The following CPVL variants were observed in gnomAD, a reference collection of about 807,000 sequenced individuals.
CPVL encodes the protein carboxypeptidase vitellogenic like, also known as probable serine carboxypeptidase CPVL.
In CPVL, 51 loss-of-function variants were observed where a neutral mutation model predicts 63.7. The observed-to-expected ratio is 0.80, with a 90% confidence interval of 0.64 to 1.01. The LOEUF (loss-of-function observed/expected upper bound fraction) is 1.01. Among genes scored for constraint, CPVL ranks in the 50% least tolerant of loss-of-function variants. The probability of loss-of-function intolerance (pLI) is 0.00; values close to 1 mark genes in which losing one functional copy is unlikely to be tolerated. For missense variants in CPVL, 530 were observed against 573.1 expected, an observed-to-expected ratio of 0.92 and a Z score of 0.77; for synonymous variants, 195 against 206.0, an observed-to-expected ratio of 0.95 and a Z score of 0.46.
chr7:29,022,675 G>T lies in CPVL; in HGVS notation c.1320+7902C>A, dbSNP rs141157710. ...CCTGTGCATGTTGTCTGGGGGCCTG[G>T]GAATTGATCAGCCCTGCCTGCCACA... On this transcript the variant is annotated intron_variant, in intron 12 of 12. Transcript: ENST00000265394. Among the ~76,000 whole-genome samples the T allele has an allele frequency of 1.6e-3, 239 of 152,334 alleles. 1 individual carries two copies. Among genetic ancestry groups the T allele is most frequent in the African/African-American group, 5.3e-3 (221 of 41,580 alleles).
At chr7:29,108,427 C>CA (rs1210566568) in intron 3 of CPVL, among the ~76,000 whole-genome samples, 2 of 152,010 alleles carry the variant, frequency 1.3e-5, no homozygotes, top group Non-Finnish European at 2.9e-5. Flanking sequence ...TTCTTCAGTG[C>CA]AAAAAAATCC....
intron 11 of CPVL, among the ~76,000 whole-genome samples, chr7:29,033,783 T>G (rs182743212): frequency 6.6e-6 from 1 of 152,234 alleles, no homozygotes; most frequent in Non-Finnish European, 1.5e-5. Context: ...CTTTCCTTTC[T>G]GGTCAGCTGT....
chr7:29,128,494 T>C (rs955171105), intron 1 of CPVL, among the ~76,000 whole-genome samples: 1 of 152,096 alleles, frequency 6.6e-6, no homozygotes, highest in Non-Finnish European at 1.5e-5. Context: ...GGCAGGCAGA[T>C]CACTTGAGGT....
At chr7:29,114,953 AG>A (rs1453887546) in intron 2 of CPVL, among the ~76,000 whole-genome samples, 1 of 152,190 alleles carries the variant, frequency 6.6e-6, no homozygotes, top group African/African-American at 2.4e-5. Flanking sequence ...GACAAAAGAA[AG>A]GTCTCAACAG....
chr7:29,084,907 G>T (rs535866231), intron 7 of CPVL, among the ~76,000 whole-genome samples: 1 of 152,044 alleles, frequency 6.6e-6, no homozygotes, highest in Non-Finnish European at 1.5e-5. Flanking sequence ...AACCATATTG[G>T]GCATATTGTA....
At chr7:29,123,289 T>C (rs1012222060) in intron 1 of CPVL, among the ~76,000 whole-genome samples, 4 of 152,100 alleles carry the variant, frequency 2.6e-5, no homozygotes, top group Non-Finnish European at 5.9e-5. Flanking sequence ...TATAATGTGA[T>C]TGAATATATA....
At chr7:29,109,747 G>A (rs370254050) in intron 3 of CPVL, among the ~76,000 whole-genome samples, 24 of 152,168 alleles carry the variant, frequency 1.6e-4, no homozygotes, top group African/African-American at 4.6e-4. Flanking sequence ...ATTCTTTCCC[G>A]TTGTGTCTCC....
intron 7 of CPVL, among the ~76,000 whole-genome samples, chr7:29,078,760 T>C (rs1027387069): frequency 2.0e-5 from 3 of 152,242 alleles, no homozygotes; most frequent in African/African-American, 2.4e-5. Flanking sequence ...TCGATTTGAT[T>C]TGGATATGCT....
At chr7:29,042,518 T>A (rs1024495788) in intron 11 of CPVL, among the ~76,000 whole-genome samples, 25 of 151,894 alleles carry the variant, frequency 1.6e-4, no homozygotes, top group African/African-American at 5.1e-4. Flanking sequence ...GGTGAGAGGG[T>A]CTTTTGAACC....
At chr7:29,090,361 G>A (rs1785644041) in intron 6 of CPVL, among the ~76,000 whole-genome samples, 1 of 152,190 alleles carries the variant, frequency 6.6e-6, no homozygotes, top group Admixed American at 6.5e-5. Context: ...CTCTCCACCT[G>A]GCACAGGACA....
chr7:29,068,469 C>T (rs1186123254), intron 9 of CPVL, among the ~76,000 whole-genome samples: 1 of 152,038 alleles, frequency 6.6e-6, no homozygotes, highest in Non-Finnish European at 1.5e-5. Flanking sequence ...TTGCTCAGGG[C>T]CCCACATCTG....
intron 10 of CPVL, among the ~76,000 whole-genome samples, chr7:29,065,233 A>G (rs575928372): frequency 6.6e-6 from 1 of 152,360 alleles, no homozygotes; most frequent in South Asian, 2.1e-4. Context: ...GTAAAGAAAA[A>G]AAGGTATCAT....
intron 11 of CPVL, among the ~76,000 whole-genome samples, chr7:29,043,303 T>C (rs953625638): frequency 1.3e-5 from 2 of 151,940 alleles, no homozygotes; most frequent in African/African-American, 4.8e-5. Context: ...GAAAACCTGG[T>C]ATCAGTCAGG....
chr7:29,129,879 G>A (rs1790504325), intron 1 of CPVL, among the ~76,000 whole-genome samples: 1 of 152,112 alleles, frequency 6.6e-6, no homozygotes, highest in East Asian at 1.9e-4. Context: ...TAAGAGGAGG[G>A]AACTTTAGAG....
At chr7:29,178,366 C>A (rs976240030) in intron 5 of CPVL, among the ~76,000 whole-genome samples, 5 of 152,332 alleles carry the variant, frequency 3.3e-5, no homozygotes, top group Admixed American at 3.3e-4. Flanking sequence ...TACTCAGCCT[C>A]TGACCTGGTC....
At chr7:29,097,386 T>C (rs1283028480) in intron 3 of CPVL, among the ~76,000 whole-genome samples, 1 of 152,200 alleles carries the variant, frequency 6.6e-6, no homozygotes, top group Non-Finnish European at 1.5e-5. Flanking sequence ...ATGGGCAATA[T>C]AGGCAGTAAG....
chr7:29,070,192 G>C (rs1020642604), intron 9 of CPVL, among the ~76,000 whole-genome samples: 1 of 152,286 alleles, frequency 6.6e-6, no homozygotes, highest in East Asian at 1.9e-4. Context: ...GGTTTCTGAC[G>C]TATCCGGTTT....
chr7:29,169,224 A>G (rs962976972), intron 5 of CPVL, among the ~76,000 whole-genome samples: 13 of 152,198 alleles, frequency 8.5e-5, no homozygotes, highest in African/African-American at 3.1e-4. Context: ...ACATGGTTGT[A>G]CTACGAATAA....
chr7:29,191,089 C>T (rs245921), intron 1 of CPVL, among the ~76,000 whole-genome samples: 9,597 of 152,068 alleles, frequency 0.063, 462 homozygotes, highest in African/African-American at 0.14. Flanking sequence ...TTAACTACAA[C>T]GCCTGGCTAA....
Sources: allele counts gnomAD v4.1 joint callset (sites outside exome capture counted in the v4.1 genomes callset), GRCh38; gene constraint gnomAD v4.1.1; transcripts MANE v1.5; gene names NCBI Gene and HGNC (gene_info 2026-07-23, HGNC 2026-07-21).